The following PLXDC2 variants were observed in gnomAD, a reference collection of about 807,000 sequenced individuals.
PLXDC2 encodes the protein plexin domain-containing protein 2.
Under a neutral mutation model 68.9 loss-of-function variants are expected in PLXDC2, and 40 were observed. The observed-to-expected ratio is 0.58, with a 90% CI of 0.45 to 0.76. The LOEUF is 0.76. PLXDC2 is among the 30% of genes least tolerant of loss of function. The probability of loss-of-function intolerance (pLI) is 0.00; values close to 1 mark genes in which losing one functional copy is unlikely to be tolerated. For synonymous variants in PLXDC2, 243 were observed against 234.2 expected, an observed-to-expected ratio of 1.04 and a Z score of -0.34; for missense variants, 644 against 661.9, an observed-to-expected ratio of 0.97 and a Z score of 0.30.
chr10:20,101,744 T>C (rs1833424210), intron 4 of PLXDC2, among the ~76,000 whole-genome samples: 1 of 152,108 alleles, frequency 6.6e-6, no homozygotes, highest in Admixed American at 6.6e-5. Context: ...TCAGGAAACA[T>C]TCTCTTCTTC....
At chr10:20,207,943 G>T (rs1365739774) in intron 9 of PLXDC2, among the ~76,000 whole-genome samples, 1 of 152,028 alleles carries the variant, frequency 6.6e-6, no homozygotes, top group Non-Finnish European at 1.5e-5. Flanking sequence ...TCATCCCATG[G>T]TGCATAATCT....
At chr10:19,845,683 T>A (rs983252474) in intron 1 of PLXDC2, among the ~76,000 whole-genome samples, 26 of 152,274 alleles carry the variant, frequency 1.7e-4, no homozygotes, top group Admixed American at 7.2e-4. Context: ...TCCTGCAGAG[T>A]AGGGCCAACC....
chr10:19,817,329 C>T (rs529451726), intron 1 of PLXDC2, 138 bp downstream of exon 1: 12 of 719,600 alleles, frequency 1.7e-5, no homozygotes, highest in African/African-American at 1.4e-4. Flanking sequence ...TTCGGCTAAA[C>T]TTAGGCTTCC....
At chr10:20,270,730 A>G (rs527983757) in intron 13 of PLXDC2, among the ~76,000 whole-genome samples, 5 of 152,116 alleles carry the variant, frequency 3.3e-5, no homozygotes, top group African/African-American at 4.8e-5. Context: ...TTTTTAGTAG[A>G]GACGGGGTTT....
At chr10:19,888,508 G>A (rs1286176743) in intron 1 of PLXDC2, among the ~76,000 whole-genome samples, 1 of 152,088 alleles carries the variant, frequency 6.6e-6, no homozygotes, top group Non-Finnish European at 1.5e-5. Flanking sequence ...GGCCTGAGGA[G>A]TTGGGAAGAA....
At chr10:19,952,911 T>C (rs1370591575) in intron 1 of PLXDC2, among the ~76,000 whole-genome samples, 1 of 148,018 alleles carries the variant, frequency 6.8e-6, no homozygotes, top group Non-Finnish European at 1.5e-5. Flanking sequence ...TTTTTTCTTC[T>C]TTTTTTTTGT....
At chr10:19,979,665 C>A (rs1188880626) in intron 1 of PLXDC2, among the ~76,000 whole-genome samples, 4 of 152,174 alleles carry the variant, frequency 2.6e-5, no homozygotes, top group Non-Finnish European at 2.9e-5. Context: ...AGCTCCCGCA[C>A]CTTTTTAAAG....
chr10:19,843,948 A>C (rs538196887), intron 1 of PLXDC2, among the ~76,000 whole-genome samples: 1 of 152,346 alleles, frequency 6.6e-6, no homozygotes, highest in Admixed American at 6.5e-5. Context: ...CCAATACATA[A>C]AAATGATAAA....
chr10:20,159,141 C>T (rs750654024), intron 6 of PLXDC2, among the ~76,000 whole-genome samples: 14 of 152,110 alleles, frequency 9.2e-5, no homozygotes, highest in Non-Finnish European at 1.2e-4. Flanking sequence ...CCCTCTCCAG[C>T]GCTTCCTCTC....
At chr10:19,974,646 A>G (rs1185401250) in intron 1 of PLXDC2, among the ~76,000 whole-genome samples, 2 of 152,234 alleles carry the variant, frequency 1.3e-5, no homozygotes, top group African/African-American at 4.8e-5. Flanking sequence ...GTCTTCTCAC[A>G]GTTAGCTGTA....
chr10:20,177,956 T>C (rs1169116034), intron 9 of PLXDC2, among the ~76,000 whole-genome samples: 1 of 152,158 alleles, frequency 6.6e-6, no homozygotes, highest in Non-Finnish European at 1.5e-5. Context: ...ATCTGACATA[T>C]ATTTATAATT....
At chr10:19,908,910 A>G (rs146356764) in intron 1 of PLXDC2, among the ~76,000 whole-genome samples, 2 of 152,198 alleles carry the variant, frequency 1.3e-5, no homozygotes, top group African/African-American at 4.8e-5. Flanking sequence ...CTATATTAAG[A>G]CCACCTAATT....
chr10:20,194,586 A>C (rs1233223569), intron 9 of PLXDC2, among the ~76,000 whole-genome samples: 1 of 152,030 alleles, frequency 6.6e-6, no homozygotes, highest in Non-Finnish European at 1.5e-5. Context: ...CTTTTGAAAG[A>C]TGTAAAAGTC....
intron 4 of PLXDC2, among the ~76,000 whole-genome samples, chr10:20,069,265 T>C (rs950742123): frequency 1.3e-5 from 2 of 152,170 alleles, no homozygotes; most frequent in Non-Finnish European, 2.9e-5. Context: ...GAGCACCAAC[T>C]CTGAGTGATG....
intron 2 of PLXDC2, among the ~76,000 whole-genome samples, chr10:20,034,628 T>C (rs1219531207): frequency 6.6e-6 from 1 of 152,220 alleles, no homozygotes; most frequent in Non-Finnish European, 1.5e-5. Context: ...GAATTCATGC[T>C]TCTATTAATG....
At chr10:20,134,983 G>A (rs1833916134) in intron 4 of PLXDC2, among the ~76,000 whole-genome samples, 1 of 152,188 alleles carries the variant, frequency 6.6e-6, no homozygotes, top group Non-Finnish European at 1.5e-5. Flanking sequence ...AAGACTTGAT[G>A]TGGGTAATGT....
At chr10:19,996,475 A>C (rs1349650133) in intron 1 of PLXDC2, among the ~76,000 whole-genome samples, 2 of 152,178 alleles carry the variant, frequency 1.3e-5, no homozygotes, top group African/African-American at 4.8e-5. Context: ...AATTCTAGCT[A>C]CTCAGGAGGC....
intron 1 of PLXDC2, among the ~76,000 whole-genome samples, chr10:19,863,227 T>C (rs988899020): frequency 6.6e-6 from 1 of 152,214 alleles, no homozygotes; most frequent in African/African-American, 2.4e-5. Context: ...TTTGTTTAGA[T>C]GAATCTTGGA....
At chr10:19,986,671 T>G (rs1037081002) in intron 1 of PLXDC2, among the ~76,000 whole-genome samples, 1 of 152,180 alleles carries the variant, frequency 6.6e-6, no homozygotes, top group Non-Finnish European at 1.5e-5. Context: ...TTTTGGGAGT[T>G]GTGAGACATT....
Sources: gnomAD v4.1 joint callset for allele counts (sites outside exome capture counted in the v4.1 genomes callset) on GRCh38, gnomAD v4.1.1 for gene constraint, MANE v1.5 for transcripts, NCBI Gene and HGNC (gene_info 2026-07-23, HGNC 2026-07-21) for gene names.